Variants in CALN1 observed in about 807,000 individuals in gnomAD.
CALN1 encodes the protein calcium-binding protein 8.
CALN1 carries 17 observed loss-of-function variants against 30.6 expected under a neutral mutation model. The ratio of observed to expected loss-of-function variants is 0.56; its 90% confidence interval spans 0.38 to 0.83. The LOEUF (loss-of-function observed/expected upper bound fraction) is 0.83, where lower values mean the gene tolerates loss of function less well. CALN1 is among the 40% of genes least tolerant of loss of function. CALN1 has a pLI of 0.00. For synonymous variants in CALN1, 156 were observed against 131.4 expected (o/e 1.19, Z -1.28); for missense variants, 291 against 354.9 (o/e 0.82, Z 1.45).
At chr7:72,336,481 G>A (rs1802046440) in intron 2 of CALN1, among the ~76,000 whole-genome samples, 1 of 151,906 alleles carries the variant, frequency 6.6e-6, no homozygotes, top group South Asian at 2.1e-4. Context: ...CCAGCTCCAC[G>A]GAAGGCAAGG....
chr7:72,117,042 G>A (rs1336049593), intron 3 of CALN1, among the ~76,000 whole-genome samples: 1 of 152,160 alleles, frequency 6.6e-6, no homozygotes, highest in African/African-American at 2.4e-5. Context: ...GCTGAGTGCA[G>A]CAGCTCATGC....
At chr7:71,938,947 A>G (rs184247816) in intron 5 of CALN1, among the ~76,000 whole-genome samples, 19 of 152,314 alleles carry the variant, frequency 1.2e-4, no homozygotes, top group African/African-American at 4.6e-4. Flanking sequence ...CAATGCCTTC[A>G]TCATCAATTC....
chr7:72,301,773 A>G (rs549088817), intron 2 of CALN1, among the ~76,000 whole-genome samples: 1 of 152,234 alleles, frequency 6.6e-6, no homozygotes, highest in East Asian at 1.9e-4. Context: ...AACATGCCCC[A>G]CTGCTATAAA....
At chr7:72,388,333 C>T (rs1264371891) in intron 2 of CALN1, among the ~76,000 whole-genome samples, 1 of 152,026 alleles carries the variant, frequency 6.6e-6, no homozygotes, top group Non-Finnish European at 1.5e-5. Context: ...CCTGCCTGGA[C>T]ATGGTCTCAG....
intron 1 of CALN1, among the ~76,000 whole-genome samples, chr7:72,428,592 A>AT (rs996510932): frequency 3.9e-5 from 6 of 152,120 alleles, no homozygotes; most frequent in Non-Finnish European, 5.9e-5. Flanking sequence ...GGGTATCACC[A>AT]TGTTGCCCAG....
intron 3 of CALN1, among the ~76,000 whole-genome samples, chr7:72,148,256 T>C (rs1786925721): frequency 7.4e-6 from 1 of 135,778 alleles, no homozygotes; most frequent in South Asian, 2.2e-4. Context: ...ACATCAAATG[T>C]GGTTGTTTAA....
chr7:72,392,474 C>A (rs1023805582), intron 2 of CALN1, among the ~76,000 whole-genome samples: 1 of 152,112 alleles, frequency 6.6e-6, no homozygotes, highest in Non-Finnish European at 1.5e-5. Flanking sequence ...ATGGGAGAGA[C>A]TGAGGAAGGG....
chr7:72,197,746 C>T (rs1278782693), intron 3 of CALN1, among the ~76,000 whole-genome samples: 3 of 152,010 alleles, frequency 2.0e-5, no homozygotes, highest in Admixed American at 2.0e-4. Context: ...GTTTTTGCTA[C>T]CTGGGAGGCT....
intron 2 of CALN1, among the ~76,000 whole-genome samples, chr7:72,333,945 G>C (rs145805965): frequency 7.9e-5 from 12 of 152,224 alleles, no homozygotes; most frequent in Non-Finnish European, 1.8e-4. Context: ...CAGGTCAAAG[G>C]TTCCCAAAAT....
At chr7:72,254,039 C>A (rs1795745350) in intron 3 of CALN1, among the ~76,000 whole-genome samples, 1 of 152,124 alleles carries the variant, frequency 6.6e-6, no homozygotes, top group African/African-American at 2.4e-5. Context: ...CTGTGCCCAG[C>A]CTCATATCCC....
chr7:71,965,420 A>C (rs1346542427), intron 5 of CALN1, among the ~76,000 whole-genome samples: 1 of 152,216 alleles, frequency 6.6e-6, no homozygotes, highest in African/African-American at 2.4e-5. Context: ...CCTAGAAAGA[A>C]GGTGCCAACC....
chr7:72,164,638 A>G (rs1388021298), intron 3 of CALN1, among the ~76,000 whole-genome samples: 1 of 152,166 alleles, frequency 6.6e-6, no homozygotes, highest in Admixed American at 6.6e-5. Context: ...ACACTTTGTG[A>G]TGGCAGCCCA....
the CALN1 span, among the ~76,000 whole-genome samples, chr7:72,498,149 T>C: frequency 2.5e-4 from 38 of 152,074 alleles, no homozygotes; most frequent in Non-Finnish European, 5.0e-4. Context: ...ATCCAATGTA[T>C]AAAAAAGGTG....
chr7:71,796,464 A>C (rs1266577096), intron 6 of CALN1, among the ~76,000 whole-genome samples: 1 of 148,066 alleles, frequency 6.8e-6, no homozygotes, highest in Non-Finnish European at 1.5e-5. Flanking sequence ...AATTCAAGTG[A>C]TTCTCCTGCC....
intron 2 of CALN1, among the ~76,000 whole-genome samples, chr7:72,338,509 G>C (rs1326670387): frequency 6.8e-6 from 1 of 147,438 alleles, no homozygotes. Flanking sequence ...GTGTGTGTGT[G>C]TGTGTGTGTG....
At chr7:72,459,854 C>G in the CALN1 span, among the ~76,000 whole-genome samples, 13 of 152,206 alleles carry the variant, frequency 8.5e-5, no homozygotes, top group Non-Finnish European at 4.4e-5. Flanking sequence ...CAGTCTCCAA[C>G]CTACAGCCTT....
At chr7:72,413,156 TACAC>T (rs1316933659), upstream of CALN1, among the ~76,000 whole-genome samples, 1 of 151,992 alleles carries the variant, frequency 6.6e-6, no homozygotes, top group Non-Finnish European at 1.5e-5. Flanking sequence ...CTTACATGCT[TACAC>T]ATACACTCAT....
At chr7:72,042,829 C>A (rs182695450) in intron 4 of CALN1, among the ~76,000 whole-genome samples, 43 of 152,288 alleles carry the variant, frequency 2.8e-4, no homozygotes, top group African/African-American at 9.9e-4. Flanking sequence ...ATGAACCACT[C>A]TTAAAAGTTT....
the CALN1 span, among the ~76,000 whole-genome samples, chr7:72,497,250 A>G: frequency 0.15 from 23,435 of 152,084 alleles, 1,986 homozygotes; most frequent in African/African-American, 0.2. Context: ...GACCAGCCTG[A>G]ACAATATGGT....
Sources: allele counts gnomAD v4.1 joint callset (sites outside exome capture counted in the v4.1 genomes callset), GRCh38; gene constraint gnomAD v4.1.1; transcripts MANE v1.5; gene names NCBI Gene and HGNC (gene_info 2026-07-23, HGNC 2026-07-21).